The following PCDHA9 variants were observed in gnomAD, a reference collection of about 807,000 sequenced individuals.
The protein encoded by PCDHA9 is protocadherin alpha 9.
PCDHA9 carries 62 observed loss-of-function variants against 62.0 expected under a neutral mutation model. The observed-to-expected ratio is 1.00, with a 90% CI of 0.81 to 1.23. The LOEUF (loss-of-function observed/expected upper bound fraction) is 1.23, where lower values mean the gene tolerates loss of function less well. Among genes scored for constraint, PCDHA9 ranks in the 50% most tolerant of loss-of-function variants. PCDHA9 has a pLI of 0.00. For synonymous variants in PCDHA9, 557 were observed against 567.6 expected, an observed-to-expected ratio of 0.98 and a Z score of 0.27; for missense variants, 1,205 against 1,249.8, an observed-to-expected ratio of 0.96 and a Z score of 0.54.
At chr5:140,993,459 TTCTCAC>T (rs2097559303) in intron 3 of PCDHA9, among the ~76,000 whole-genome samples, 1 of 83,038 alleles carries the variant, frequency 1.2e-5, no homozygotes, top group African/African-American at 4.6e-5. Context: ...CCTTCTTTCT[TTCTCAC>T]ACACACACAC....
intron 1 of PCDHA9, among the ~76,000 whole-genome samples, chr5:140,938,922 T>G (rs2092267013): frequency 6.6e-6 from 1 of 151,926 alleles, no homozygotes; most frequent in Non-Finnish European, 1.5e-5. Flanking sequence ...CACAAGAAAT[T>G]GGCTTTTAAC....
intron 1 of PCDHA9, among the ~76,000 whole-genome samples, chr5:140,922,818 C>G (rs530870255): frequency 6.6e-6 from 1 of 152,326 alleles, no homozygotes; most frequent in South Asian, 2.1e-4. Context: ...GGAGATACAG[C>G]ATACTGCTAA....
At chr5:140,877,845 TTATTAA>T in intron 1 of PCDHA9, 3 of 1,555,618 alleles carry the variant, frequency 1.9e-6, no homozygotes, top group Non-Finnish European at 2.6e-6. Context: ...GTGAAGTAAG[TTATTAA>T]TATTATTTAG....
At chr5:141,001,953 G>C (rs55743067) in intron 3 of PCDHA9, among the ~76,000 whole-genome samples, 27 of 152,290 alleles carry the variant, frequency 1.8e-4, no homozygotes, top group Non-Finnish European at 3.5e-4. Context: ...AAGGAGGAGG[G>C]AGAGGCGGGG....
At chr5:140,892,702 A>C (rs1391662001) in intron 1 of PCDHA9, among the ~76,000 whole-genome samples, 1 of 152,240 alleles carries the variant, frequency 6.6e-6, no homozygotes, top group Non-Finnish European at 1.5e-5. Flanking sequence ...AAATCAGGGT[A>C]ATTAGCATAT....
intron 3 of PCDHA9, among the ~76,000 whole-genome samples, chr5:140,993,418 C>A (rs59434300): frequency 6.6e-5 from 10 of 151,302 alleles, no homozygotes; most frequent in Non-Finnish European, 1.5e-4. Context: ...ATCAGCATTT[C>A]TCTTTTAAAA....
chr5:141,001,089 C>G (rs972790418), intron 3 of PCDHA9, among the ~76,000 whole-genome samples: 2 of 152,042 alleles, frequency 1.3e-5, no homozygotes, highest in Admixed American at 1.3e-4. Flanking sequence ...ACCCCATAAA[C>G]TGTCTAATCC....
intron 1 of PCDHA9, chr5:140,968,734 C>A: frequency 6.2e-7 from 1 of 1,614,162 alleles, no homozygotes; most frequent in Non-Finnish European, 8.5e-7. Flanking sequence ...GTAGCACTTT[C>A]AACCTGACCG....
chr5:140,891,569 CAT>C (rs59481749), intron 1 of PCDHA9, among the ~76,000 whole-genome samples: 3,590 of 152,218 alleles, frequency 0.024, 138 homozygotes, highest in African/African-American at 0.082. Flanking sequence ...TCTAATTAAA[CAT>C]ATTTTAATCT....
chr5:140,862,502 G>A (rs2047397445), intron 1 of PCDHA9: 2 of 398,710 alleles, frequency 5.0e-6, no homozygotes, highest in Non-Finnish European at 5.0e-6. Flanking sequence ...TCGGAATGGG[G>A]ACTCGCTTTC....
Position 140,894,936 on chromosome 5 carries a change from A to G in PCDHA9, c.2394+44047A>G, listed in dbSNP as rs560165058. Among the ~76,000 whole-genome samples the G allele has an allele frequency of 3.5e-4, 53 of 152,142 alleles. 1 individual carries two copies. The highest frequency in any genetic ancestry group is 5.6e-4 in the Non-Finnish European group (38 of 68,020). On this transcript the variant is annotated intron_variant, in intron 1 of 3. Transcript: ENST00000532602. ...TTGCTCTATAGATTTCTATTCAGCTATTGTCATGAAATGATAAAAATATAA... is the reference window on the plus strand; with the variant it reads ...TTGCTCTATAGATTTCTATTCAGCTGTTGTCATGAAATGATAAAAATATAA...
At position 140,855,991 on chromosome 5, in the gene PCDHA9, A is replaced by C; in HGVS notation, c.2394+5102A>C. On this transcript the variant is annotated intron_variant, in intron 1 of 3. Coordinates refer to ENST00000532602, the MANE Select transcript of PCDHA9 (RefSeq NM_031857.2). ...TAAGAAATAGGACAGAAAATGTCAG[A>C]TCGTATGTGCGTTCTAGACCGCTGA... 2.0e-6 allele frequency: 3 copies of C among 1,492,426 alleles called. 1 individual carries two copies. In the South Asian group the frequency reaches 3.9e-5, roughly 20 times the overall value. 92.4% of individuals were successfully genotyped at this position (1,492,426 alleles called of 1,614,324 possible). A position where few individuals can be genotyped will look rare whatever the true frequency, so the allele number is the denominator to read the frequency against.
At chr5:140,968,431 G>A in intron 1 of PCDHA9, 1 of 1,613,980 alleles carries the variant, frequency 6.2e-7, no homozygotes, top group Non-Finnish European at 8.5e-7. Context: ...AGGACAAGGG[G>A]AGCCCACCAC....
chr5:140,982,661 T>C, intron 3 of PCDHA9, 98 bp downstream of exon 3: 1 of 1,482,624 alleles, frequency 6.7e-7, no homozygotes, highest in Admixed American at 2.6e-5. Flanking sequence ...TCTTTTTCTT[T>C]TATATTTTTG....
At chr5:140,853,146 T>G in intron 1 of PCDHA9, 1 of 817,808 alleles carries the variant, frequency 1.2e-6, no homozygotes, top group Non-Finnish European at 1.5e-6. Flanking sequence ...CCCAAAATGC[T>G]GGGATTACAG....
intron 1 of PCDHA9, among the ~76,000 whole-genome samples, chr5:140,908,928 A>G (rs1426452860): frequency 6.6e-6 from 1 of 152,224 alleles, no homozygotes; most frequent in Non-Finnish European, 1.5e-5. Flanking sequence ...GGCCAAATGC[A>G]GCAACTTATC....
intron 1 of PCDHA9, among the ~76,000 whole-genome samples, chr5:140,886,029 T>C (rs1464446627): frequency 1.3e-5 from 2 of 152,180 alleles, no homozygotes; most frequent in Non-Finnish European, 2.9e-5. Context: ...TATTCTTCAC[T>C]AAGTTTTCCC....
chr5:140,927,756 T>G (rs782307164), intron 1 of PCDHA9: 2 of 1,614,012 alleles, frequency 1.2e-6, no homozygotes, highest in South Asian at 1.1e-5. Flanking sequence ...ACGTGCACCC[T>G]AAAAGTGGGG....
At chr5:140,867,971 C>A (rs1230179778) in intron 1 of PCDHA9, 2 of 152,032 alleles carry the variant, frequency 1.3e-5, no homozygotes, top group Non-Finnish European at 2.9e-5. Flanking sequence ...ATTCTTTCAA[C>A]AAGAAACAAA....
Sources: gnomAD v4.1 joint callset for allele counts (sites outside exome capture counted in the v4.1 genomes callset) on GRCh38, gnomAD v4.1.1 for gene constraint, MANE v1.5 for transcripts, NCBI Gene and HGNC (gene_info 2026-07-23, HGNC 2026-07-21) for gene names.